CCDC92: variants seen among roughly 807,000 people sequenced by gnomAD.
CCDC92 encodes coiled-coil domain containing 92, also known as coiled-coil domain-containing protein 92.
Under a neutral mutation model 24.9 loss-of-function variants are expected in CCDC92, and 12 were observed. That is an observed-to-expected ratio of 0.48 (90% CI 0.31 to 0.78). The LOEUF (loss-of-function observed/expected upper bound fraction) is 0.78, where lower values mean the gene tolerates loss of function less well. Ranked by LOEUF, CCDC92 falls within the 30% of genes least tolerant of loss-of-function variation. The pLI is 0.05. For missense variants in CCDC92, 399 were observed against 439.4 expected (o/e 0.91, Z 0.82); for synonymous variants, 193 against 196.3 (o/e 0.98, Z 0.14).
chr12:123,953,713 G>A (rs1042701100), intron 1 of CCDC92, among the ~76,000 whole-genome samples: 4 of 152,234 alleles, frequency 2.6e-5, no homozygotes, highest in African/African-American at 7.2e-5. Flanking sequence ...GAGAGGAGGA[G>A]GTTGCAGTGA....
chr12:123,944,947 A>G (rs1184129218), intron 1 of CCDC92: 2 of 152,140 alleles, frequency 1.3e-5, no homozygotes, highest in Non-Finnish European at 2.9e-5. Context: ...GGCAGAGCTG[A>G]TCAGAAGCCT....
intron 1 of CCDC92, chr12:123,945,524 T>C (rs1955819906): frequency 6.6e-6 from 1 of 152,178 alleles, no homozygotes; most frequent in South Asian, 2.1e-4. Context: ...GTGGAAAGGG[T>C]GAGCACCTTC....
chr12:123,944,362 A>AT lies in CCDC92; in HGVS notation c.-58dup, dbSNP rs1233556190. ...CAAGACGCTTGTACAGCACTGAAAA[A>AT]TACTGAGGATGAAATGTGAGTTATT... is the stretch of plus-strand genomic sequence containing the variant. On this transcript the variant is annotated splice_region_variant and 5_prime_UTR_variant, in exon 2 of 5. Transcript: ENST00000238156. The AT allele has an allele frequency of 1.6e-5, 23 of 1,437,760 alleles. No individual in the cohort carries two copies. Among genetic ancestry groups the AT allele is most frequent in the Non-Finnish European group, 2.1e-5 (23 of 1,079,026 alleles). 89.1% of individuals were successfully genotyped at this position (1,437,760 alleles called of 1,614,324 possible).
At chr12:123,970,817 GCTT>G (rs1461676781) in intron 1 of CCDC92, among the ~76,000 whole-genome samples, 1 of 152,134 alleles carries the variant, frequency 6.6e-6, no homozygotes, top group Non-Finnish European at 1.5e-5. Context: ...ACGAGAAAAT[GCTT>G]TTTTAACATA....
At chr12:123,952,795 G>T (rs913676991) in intron 1 of CCDC92, among the ~76,000 whole-genome samples, 9 of 152,200 alleles carry the variant, frequency 5.9e-5, no homozygotes, top group Non-Finnish European at 1.0e-4. Flanking sequence ...GCAAAAAGTA[G>T]AAGGCAAAGG....
intron 1 of CCDC92, among the ~76,000 whole-genome samples, chr12:123,963,168 C>A (rs1956314045): frequency 6.6e-6 from 1 of 152,150 alleles, no homozygotes; most frequent in African/African-American, 2.4e-5. Context: ...GCAATCTGGC[C>A]CCAAAGGTCA....
In CCDC92 at chr12:123,972,626, G is replaced by T; in HGVS notation, c.-157C>A. On this transcript the variant is annotated 5_prime_UTR_variant, in exon 1 of 5. Coordinates refer to ENST00000238156, the MANE Select transcript of CCDC92 (RefSeq NM_025140.3). ...GGGGCCCGTGGCCCATGGGCTGGGC[G>T]GGGCGCGGCGGGCGGGGCTGCCTGG... 7.3e-6 allele frequency: 1 copy of T among 137,626 alleles called. No homozygotes were observed. The highest frequency in any genetic ancestry group is 2.0e-4 in the South Asian group (1 of 5,032). The allele number at this position is 137,626 out of a possible 1,614,324, so 8.5% of individuals were successfully genotyped here.
intron 1 of CCDC92, among the ~76,000 whole-genome samples, chr12:123,951,241 T>A (rs4405410): frequency 0.32 from 48,588 of 152,068 alleles, 7,959 homozygotes; most frequent in Middle Eastern, 0.37. Context: ...AAAAAGCACC[T>A]CAGCAGCATG....
At chr12:123,963,439 T>C (rs1956321126) in intron 1 of CCDC92, among the ~76,000 whole-genome samples, 1 of 152,182 alleles carries the variant, frequency 6.6e-6, no homozygotes, top group African/African-American at 2.4e-5. Flanking sequence ...GTTTCTTCCT[T>C]GTATCTTACA....
At chr12:123,970,911 G>C (rs1041046113) in intron 1 of CCDC92, among the ~76,000 whole-genome samples, 11 of 152,142 alleles carry the variant, frequency 7.2e-5, no homozygotes, top group African/African-American at 1.7e-4. Context: ...ATTATGTTGA[G>C]ATCAATTTAT....
intron 1 of CCDC92, among the ~76,000 whole-genome samples, chr12:123,950,642 C>G (rs79720995): frequency 0.078 from 11,895 of 152,168 alleles, 681 homozygotes; most frequent in Non-Finnish European, 0.11. Context: ...CAGACTCACT[C>G]TCTTCCCCTG....
intron 1 of CCDC92, among the ~76,000 whole-genome samples, chr12:123,952,480 G>A (rs1413870615): frequency 6.6e-6 from 1 of 152,188 alleles, no homozygotes; most frequent in African/African-American, 2.4e-5. Flanking sequence ...AATGGTCCAT[G>A]GCTAATTAGG....
At chr12:123,949,748 T>C (rs866723953) in intron 1 of CCDC92, among the ~76,000 whole-genome samples, 2 of 152,242 alleles carry the variant, frequency 1.3e-5, no homozygotes, top group African/African-American at 4.8e-5. Context: ...TTCCAAATCC[T>C]ATAGAGATAG....
Position 123,944,428 on chromosome 12 carries a change from C to A in CCDC92, c.-59-64G>T, listed in dbSNP as rs548711449. On this transcript the variant is annotated intron_variant, in intron 1 of 4. Coordinates refer to ENST00000238156, the MANE Select transcript of CCDC92 (RefSeq NM_025140.3). ...ATTGTAAATACAGAACCTCAGAATG[C>A]ATTTTCCCTAATTTGCTATTCCAGA... 1.4e-4 allele frequency: 132 copies of A among 924,784 alleles called. 1 individual carries two copies. The African/African-American group carries it at 1.6e-3, about 11-fold the overall frequency. 57.3% of individuals were successfully genotyped at this position (924,784 alleles called of 1,614,324 possible).
chr12:123,966,757 C>T (rs1956401909), intron 1 of CCDC92: 1 of 152,224 alleles, frequency 6.6e-6, no homozygotes. Flanking sequence ...CCGCTGGCAT[C>T]CTGAGACTAC....
At chr12:123,952,737 C>A (rs1205548751) in intron 1 of CCDC92, among the ~76,000 whole-genome samples, 1 of 152,162 alleles carries the variant, frequency 6.6e-6, no homozygotes, top group Admixed American at 6.5e-5. Flanking sequence ...TCAACAATGA[C>A]TCCAGGAATA....
intron 3 of CCDC92, 91 bp downstream of exon 3, chr12:123,943,255 TG>T: frequency 7.2e-7 from 1 of 1,396,906 alleles, no homozygotes; most frequent in Non-Finnish European, 9.8e-7. Context: ...TGATGGGAGC[TG>T]GGGGCAGGGC....
intron 1 of CCDC92, among the ~76,000 whole-genome samples, chr12:123,963,305 G>A (rs980584350): frequency 5.3e-5 from 8 of 152,164 alleles, no homozygotes; most frequent in South Asian, 2.1e-4. Flanking sequence ...TAAACGCAGC[G>A]TATGGCACTT....
At chr12:123,942,376 G>A (rs148740390) in intron 4 of CCDC92, among the ~76,000 whole-genome samples, 22 of 152,342 alleles carry the variant, frequency 1.4e-4, no homozygotes, top group East Asian at 3.9e-4. Context: ...GAGCGGGGGC[G>A]GTTCTGCCCA....
Sources: gnomAD v4.1 joint callset for allele counts (sites outside exome capture counted in the v4.1 genomes callset) on GRCh38, gnomAD v4.1.1 for gene constraint, MANE v1.5 for transcripts, NCBI Gene and HGNC (gene_info 2026-07-23, HGNC 2026-07-21) for gene names.